MRPL3: variants seen among roughly 807,000 people sequenced by gnomAD.
MRPL3 encodes the protein mitochondrial ribosomal protein L3.
MRPL3 carries 43 observed loss-of-function variants against 44.3 expected under a neutral mutation model. The observed-to-expected ratio is 0.97, with a 90% CI of 0.76 to 1.25. The LOEUF is 1.25. MRPL3 is among the 50% of genes most tolerant of loss of function. The pLI, the probability that MRPL3 is intolerant of heterozygous loss-of-function variation, is 0.00. For synonymous variants in MRPL3, 171 were observed against 152.3 expected (o/e 1.12, Z -0.91); for missense variants, 406 against 427.6 (o/e 0.95, Z 0.45).
intron 4 of MRPL3, among the ~76,000 whole-genome samples, chr3:131,496,239 A>G (rs1934368657): frequency 2.0e-5 from 3 of 152,236 alleles, no homozygotes; most frequent in Admixed American, 2.0e-4. Flanking sequence ...GGTACATAAT[A>G]AATTTTTAAA....
At chr3:131,476,414 T>A (rs894738119) in intron 6 of MRPL3, among the ~76,000 whole-genome samples, 3 of 152,258 alleles carry the variant, frequency 2.0e-5, no homozygotes, top group Admixed American at 1.3e-4. Context: ...AACTAATCTA[T>A]ACTTAGTATA....
chr3:131,496,876 T>C (rs1014446992), intron 4 of MRPL3, among the ~76,000 whole-genome samples: 1 of 152,240 alleles, frequency 6.6e-6, no homozygotes, highest in African/African-American at 2.4e-5. Context: ...ACACACTACC[T>C]TGATAGCTGC....
chr3:131,466,825 T>C (rs951173833), intron 9 of MRPL3, among the ~76,000 whole-genome samples: 4 of 152,138 alleles, frequency 2.6e-5, no homozygotes, highest in African/African-American at 7.2e-5. Context: ...ACTTTAAACA[T>C]GTATCATTTC....
At chr3:131,492,768 G>T (rs577690478) in intron 4 of MRPL3, among the ~76,000 whole-genome samples, 1 of 152,272 alleles carries the variant, frequency 6.6e-6, no homozygotes, top group African/African-American at 2.4e-5. Flanking sequence ...TGAAAGCAGA[G>T]ACTTGCTTTA....
intron 9 of MRPL3, among the ~76,000 whole-genome samples, chr3:131,466,693 G>C (rs949309744): frequency 6.7e-6 from 1 of 149,562 alleles, no homozygotes; most frequent in Non-Finnish European, 1.5e-5. Context: ...TTTTTTTTGG[G>C]GGGGGGTGGG....
chr3:131,482,273 T>G (rs1934005465), intron 6 of MRPL3, among the ~76,000 whole-genome samples: 1 of 152,068 alleles, frequency 6.6e-6, no homozygotes, highest in Non-Finnish European at 1.5e-5. Flanking sequence ...TCCCAGCACT[T>G]TGAGAGGCTG....
intron 8 of MRPL3, 150 bp downstream of exon 8, chr3:131,469,546 A>C (rs565821617): frequency 3.6e-6 from 2 of 558,238 alleles, no homozygotes; most frequent in Admixed American, 6.9e-5. Context: ...ACACACACAC[A>C]CACACACACA....
At chr3:131,482,453 T>G (rs2110704978) in intron 6 of MRPL3, among the ~76,000 whole-genome samples, 1 of 151,096 alleles carries the variant, frequency 6.6e-6, no homozygotes, top group African/African-American at 2.4e-5. Context: ...AGGCAGAGCT[T>G]GCAGTGAGCC....
At chr3:131,496,632 C>T (rs1418489590) in intron 4 of MRPL3, among the ~76,000 whole-genome samples, 1 of 152,124 alleles carries the variant, frequency 6.6e-6, no homozygotes, top group Non-Finnish European at 1.5e-5. Flanking sequence ...CTAGTTGTGT[C>T]CTCCCACCTA....
chr3:131,486,188 G>C (rs544769744), intron 6 of MRPL3, among the ~76,000 whole-genome samples: 1 of 151,762 alleles, frequency 6.6e-6, no homozygotes, highest in South Asian at 2.1e-4. Flanking sequence ...ATTCAAGATG[G>C]ATTAAAGACT....
Position 131,501,716 on chromosome 3 carries a change from C to T in MRPL3, c.93-1G>A, listed in dbSNP as rs1385978845. 1 of 1,598,292 alleles carries T rather than the reference C, an allele frequency of 6.3e-7. No individual in the cohort carries two copies. Among genetic ancestry groups the T allele is most frequent in the Non-Finnish European group, 8.5e-7 (1 of 1,174,794 alleles). On this transcript the variant is annotated splice_acceptor_variant, in intron 1 of 9. Transcript: ENST00000264995. LOFTEE classifies it high-confidence loss of function. ...TCTAACAAAAAGCCAGATGTGTGTT[C>T]TATAAAAAGAAAAAATAAATAAAAC...
intron 4 of MRPL3, among the ~76,000 whole-genome samples, chr3:131,497,307 A>C (rs1268812973): frequency 6.6e-6 from 1 of 152,248 alleles, no homozygotes; most frequent in African/African-American, 2.4e-5. Flanking sequence ...ATAAAGTAAC[A>C]AATGAAAAAA....
At chr3:131,501,411 C>G in intron 2 of MRPL3, 120 bp downstream of exon 2, 1 of 892,034 alleles carries the variant, frequency 1.1e-6, no homozygotes, top group South Asian at 1.8e-5. Context: ...ATAAAACACA[C>G]GCAGCACATG....
intron 4 of MRPL3, among the ~76,000 whole-genome samples, chr3:131,493,056 T>A (rs1221082667): frequency 1.3e-5 from 2 of 152,226 alleles, no homozygotes; most frequent in Non-Finnish European, 2.9e-5. Context: ...TCTATTTTCC[T>A]GCTGTTCGCT....
intron 6 of MRPL3, among the ~76,000 whole-genome samples, chr3:131,484,191 G>C (rs1445633681): frequency 6.6e-6 from 1 of 152,142 alleles, no homozygotes; most frequent in Non-Finnish European, 1.5e-5. Context: ...AGAGGAGTGA[G>C]GAGGAAAAGT....
chr3:131,470,273 C>T (rs1933710275), intron 7 of MRPL3, among the ~76,000 whole-genome samples: 1 of 152,084 alleles, frequency 6.6e-6, no homozygotes, highest in African/African-American at 2.4e-5. Context: ...GTTTGTCTAG[C>T]CCTGGTTTTC....
In MRPL3 at chr3:131,489,732, C is replaced by G. The variant is rs186085498; in HGVS notation, c.568+249G>C. ...AAGTTAGTGTATTTCTTTGAGGTGG[C>G]TTTTTCAAATATTAAACTCTCTCTA... On this transcript the variant is annotated intron_variant, in intron 5 of 9. Transcript: ENST00000264995. Among the ~76,000 whole-genome samples, 36 of 151,540 alleles carry G rather than the reference C, an allele frequency of 2.4e-4. 1 individual carries two copies. The East Asian group carries it at 5.2e-3, about 22-fold the overall frequency.
chr3:131,492,757 C>T (rs1396296092), intron 4 of MRPL3, among the ~76,000 whole-genome samples: 1 of 152,150 alleles, frequency 6.6e-6, no homozygotes, highest in African/African-American at 2.4e-5. Context: ...TCTAAGCTTC[C>T]TGAAAGCAGA....
At chr3:131,479,799 C>T (rs984646291) in intron 6 of MRPL3, among the ~76,000 whole-genome samples, 19 of 152,200 alleles carry the variant, frequency 1.2e-4, no homozygotes, top group South Asian at 2.1e-4. Flanking sequence ...AAGCCGAGAT[C>T]GCGCCGCTGC....
Sources: gnomAD v4.1 joint callset for allele counts (sites outside exome capture counted in the v4.1 genomes callset) on GRCh38, gnomAD v4.1.1 for gene constraint, MANE v1.5 for transcripts, NCBI Gene and HGNC (gene_info 2026-07-23, HGNC 2026-07-21) for gene names.